Variants in TNKS observed in about 807,000 individuals in gnomAD.
The protein encoded by TNKS is poly [ADP-ribose] polymerase tankyrase-1.
Under a neutral mutation model 135.8 loss-of-function variants are expected in TNKS, and 72 were observed. That is an observed-to-expected ratio of 0.53 (90% CI 0.44 to 0.64). TNKS has a LOEUF of 0.64. Ranked by LOEUF, TNKS falls within the 30% of genes least tolerant of loss-of-function variation. The probability of loss-of-function intolerance (pLI) is 0.00; values close to 1 mark genes in which losing one functional copy is unlikely to be tolerated. For synonymous variants in TNKS, 849 were observed against 649.3 expected (o/e 1.31, Z -4.68); for missense variants, 1,769 against 1,674.0 (o/e 1.06, Z -0.99).
At chr8:9,732,766 T>C (rs1214203374) in intron 14 of TNKS, among the ~76,000 whole-genome samples, 2 of 152,164 alleles carry the variant, frequency 1.3e-5, no homozygotes, top group Admixed American at 6.5e-5. Flanking sequence ...GTAGAACTTA[T>C]AGTTGACATC....
chr8:9,620,557 T>C (rs1336117781), intron 3 of TNKS, among the ~76,000 whole-genome samples: 1 of 152,240 alleles, frequency 6.6e-6, no homozygotes, highest in South Asian at 2.1e-4. Flanking sequence ...AACAGTGGCC[T>C]GTCCTGATCT....
intron 2 of TNKS, among the ~76,000 whole-genome samples, chr8:9,594,163 A>C (rs1159520782): frequency 1.3e-5 from 2 of 152,216 alleles, no homozygotes; most frequent in Non-Finnish European, 2.9e-5. Context: ...CTAGGATTAC[A>C]GGCATGAGCC....
At chr8:9,602,907 G>A (rs925853467) in intron 2 of TNKS, among the ~76,000 whole-genome samples, 1 of 152,076 alleles carries the variant, frequency 6.6e-6, no homozygotes, top group African/African-American at 2.4e-5. Context: ...TATCTCAATT[G>A]AAACAACGTT....
At chr8:9,725,193 T>C (rs4841202) in intron 12 of TNKS, among the ~76,000 whole-genome samples, 106,511 of 151,980 alleles carry the variant, frequency 0.7, 37,870 homozygotes, top group Admixed American at 0.8. Flanking sequence ...AAAAAAGAGC[T>C]AAGATTTGAT....
intron 19 of TNKS, among the ~76,000 whole-genome samples, chr8:9,752,153 A>G (rs1250822584): frequency 6.6e-6 from 1 of 152,214 alleles, no homozygotes; most frequent in Non-Finnish European, 1.5e-5. Flanking sequence ...AACTAAAATG[A>G]TAGCTGATAC....
chr8:9,672,706 ACAC>A lies in TNKS; in HGVS notation c.995-7244_995-7242del, dbSNP rs1442566281. ...TACACACACACACACACACACACAC[ACAC>A]ACAAAAAAAAAAAAACAAACTAATA... On this transcript the variant is annotated intron_variant, in intron 3 of 26. Transcript: ENST00000310430. Among the ~76,000 whole-genome samples the A allele has an allele frequency of 2.3e-3, 289 of 124,912 alleles. 2 individuals are homozygous for A. Among genetic ancestry groups the A allele is most frequent in the African/African-American group, 8.0e-3 (271 of 34,002 alleles). 81.9% of individuals were successfully genotyped at this position (124,912 alleles called of 152,430 possible).
intron 2 of TNKS, among the ~76,000 whole-genome samples, chr8:9,594,313 C>A (rs960010222): frequency 6.6e-6 from 1 of 152,208 alleles, no homozygotes; most frequent in Non-Finnish European, 1.5e-5. Flanking sequence ...TGATAACTCT[C>A]ACACCTTGTT....
Position 9,781,147 on chromosome 8 carries a change from C to T in TNKS, c.*4411C>T, listed in dbSNP as rs1446647942. 2 of 152,198 alleles carry T rather than the reference C, an allele frequency of 1.3e-5. No homozygotes were observed. Among genetic ancestry groups the T allele is most frequent in the East Asian group, 1.9e-4 (1 of 5,202 alleles). 9.4% of individuals were successfully genotyped at this position (152,198 alleles called of 1,614,324 possible). A position where few individuals can be genotyped will look rare whatever the true frequency, so the allele number is the denominator to read the frequency against. On this transcript the variant is annotated 3_prime_UTR_variant, in exon 27 of 27. Transcript: ENST00000310430. ...GAGAGTTCTGCCTCCTCTGAAATAA[C>T]ATTCGCACTGTAGATTGCATTTCGG... is the stretch of plus-strand genomic sequence containing the variant.
intron 3 of TNKS, among the ~76,000 whole-genome samples, chr8:9,624,779 C>A (rs980532585): frequency 3.3e-5 from 5 of 151,952 alleles, no homozygotes; most frequent in Non-Finnish European, 5.9e-5. Flanking sequence ...TTCCAGGATC[C>A]CCTGAAGATG....
At chr8:9,560,659 C>T (rs1209232125) in intron 1 of TNKS, among the ~76,000 whole-genome samples, 2 of 151,724 alleles carry the variant, frequency 1.3e-5, no homozygotes, top group South Asian at 2.1e-4. Context: ...TTACACTTCT[C>T]GTTGCCTGGC....
Position 9,761,439 on chromosome 8 carries a change from T to C in TNKS, c.3154-77T>C, listed in dbSNP as rs1192259072. ...CTTAATTTGAATGGTACTCGTAGCATTGAAGGCAATTGGAAAAGCTTTTGT... is the reference window on the plus strand; with the variant it reads ...CTTAATTTGAATGGTACTCGTAGCACTGAAGGCAATTGGAAAAGCTTTTGT... On this transcript the variant is annotated intron_variant, in intron 20 of 26. Coordinates refer to ENST00000310430, the MANE Select transcript of TNKS (RefSeq NM_003747.3). 2.0e-6 allele frequency: 3 copies of C among 1,463,872 alleles called. No individual in the cohort carries two copies. In the African/African-American group the frequency reaches 4.3e-5, roughly 21 times the overall value. 90.7% of individuals were successfully genotyped at this position (1,463,872 alleles called of 1,614,324 possible). A position where few individuals can be genotyped will look rare whatever the true frequency, so the allele number is the denominator to read the frequency against.
intron 2 of TNKS, among the ~76,000 whole-genome samples, chr8:9,584,662 T>G (rs955505261): frequency 1.1e-4 from 17 of 152,344 alleles, no homozygotes; most frequent in South Asian, 4.1e-4. Flanking sequence ...TAAATGGAAG[T>G]TGCAGAATGG....
Position 9,704,699 on chromosome 8 carries a change from G to T in TNKS, c.1144G>T (p.Val382Phe). Residue 382 changes from valine (V) to phenylalanine (F), a missense_variant, in exon 6 of 27, where the codon GTT (valine) becomes TTT (phenylalanine). Val to Phe is a conservative substitution (Grantham distance 50, BLOSUM62 -1). This residue lies in a region of TNKS where 523 missense variants were observed against 541.0 expected (regional missense o/e 0.97). Transcript: ENST00000310430. ...ACATCTAGCAGCGGGCTACAACAGAGTTCGAATAGTTCAGCTTCTTCTTCA... is the reference window on the plus strand; with the variant it reads ...ACATCTAGCAGCGGGCTACAACAGATTTCGAATAGTTCAGCTTCTTCTTCA... Reference protein sequence around the residue: ...PLHLAAGYNRVRIVQLLLQHG... With the variant: ...PLHLAAGYNRFRIVQLLLQHG... The T allele has an allele frequency of 6.2e-7, 1 of 1,613,540 alleles. No individual in the cohort carries two copies.
chr8:9,560,440 T>A (rs1393679276), intron 1 of TNKS, among the ~76,000 whole-genome samples: 1 of 151,016 alleles, frequency 6.6e-6, no homozygotes, highest in African/African-American at 2.4e-5. Context: ...GTACAGAGAT[T>A]TTTCAACTCA....
intron 17 of TNKS, among the ~76,000 whole-genome samples, chr8:9,742,879 A>T (rs1806041154): frequency 6.6e-6 from 1 of 151,794 alleles, no homozygotes; most frequent in Non-Finnish European, 1.5e-5. Flanking sequence ...TAATATTAAC[A>T]CAATATAAAA....
chr8:9,675,146 C>T (rs1802481865), intron 3 of TNKS, among the ~76,000 whole-genome samples: 3 of 152,158 alleles, frequency 2.0e-5, no homozygotes, highest in Admixed American at 2.0e-4. Flanking sequence ...TAGATTACTT[C>T]CTGGTGCTTT....
intron 2 of TNKS, among the ~76,000 whole-genome samples, chr8:9,603,741 C>A (rs898406769): frequency 2.0e-5 from 3 of 152,158 alleles, no homozygotes; most frequent in African/African-American, 7.2e-5. Flanking sequence ...TGTCACCGCT[C>A]ATTCAGTGCT....
At chr8:9,606,950 T>G (rs1363778334) in intron 2 of TNKS, among the ~76,000 whole-genome samples, 1 of 152,170 alleles carries the variant, frequency 6.6e-6, no homozygotes, top group Non-Finnish European at 1.5e-5. Context: ...AGATTGTCTC[T>G]TCTGCAGACC....
chr8:9,574,284 C>G (rs1797862159), intron 1 of TNKS, among the ~76,000 whole-genome samples: 1 of 152,164 alleles, frequency 6.6e-6, no homozygotes, highest in Admixed American at 6.5e-5. Flanking sequence ...CTTCTTGTTG[C>G]TACCTGCTTT....
Sources: allele counts gnomAD v4.1 joint callset (sites outside exome capture counted in the v4.1 genomes callset), GRCh38; gene constraint gnomAD v4.1.1; regional missense constraint gnomAD v4.1.1; transcripts MANE v1.5; gene names NCBI Gene and HGNC (gene_info 2026-07-23, HGNC 2026-07-21).